IL21R: variants seen among roughly 807,000 people sequenced by gnomAD.
IL21R encodes interleukin-21 receptor.
Under a neutral mutation model 41.3 loss-of-function variants are expected in IL21R, and 14 were observed. The ratio of observed to expected loss-of-function variants is 0.34; its 90% CI spans 0.22 to 0.53. The LOEUF (loss-of-function observed/expected upper bound fraction) is 0.53, where lower values mean the gene tolerates loss of function less well. Among genes scored for constraint, IL21R ranks in the 20% least tolerant of loss-of-function variants. IL21R has a pLI of 0.94. For synonymous variants in IL21R, 286 were observed against 287.6 expected (o/e 0.99, Z 0.05); for missense variants, 588 against 681.6 (o/e 0.86, Z 1.53).
chr16:27,436,450 G>A (rs1371372038), intron 3 of IL21R, among the ~76,000 whole-genome samples: 1 of 152,186 alleles, frequency 6.6e-6, no homozygotes, highest in Non-Finnish European at 1.5e-5. Flanking sequence ...GGGGAATAAG[G>A]AGCAAGTTCA....
intron 1 of IL21R, among the ~76,000 whole-genome samples, chr16:27,405,426 T>C (rs1377426377): frequency 6.6e-6 from 1 of 152,232 alleles, no homozygotes; most frequent in Non-Finnish European, 1.5e-5. Flanking sequence ...TTGGCATATA[T>C]GAGACCTCAG....
At chr16:27,437,126 G>A (rs1327015745) in intron 3 of IL21R, among the ~76,000 whole-genome samples, 2 of 152,126 alleles carry the variant, frequency 1.3e-5, no homozygotes, top group Non-Finnish European at 2.9e-5. Flanking sequence ...AATGCCTAGC[G>A]CCCTTCCTGC....
At chr16:27,419,467 A>G (rs1291086604) in intron 1 of IL21R, among the ~76,000 whole-genome samples, 1 of 152,170 alleles carries the variant, frequency 6.6e-6, no homozygotes, top group Non-Finnish European at 1.5e-5. Flanking sequence ...TTGCTCTGTC[A>G]CCCAGGCTGG....
intron 8 of IL21R, chr16:27,448,174 G>T (rs2087517489): frequency 4.7e-6 from 1 of 214,768 alleles, no homozygotes; most frequent in African/African-American, 2.3e-5. Context: ...CCTCACCTTG[G>T]CTGGGCACAG....
intron 4 of IL21R, among the ~76,000 whole-genome samples, chr16:27,440,248 T>TATATATATATATATATATAGAGAGAG (rs1352160946): frequency 1.6e-5 from 1 of 64,028 alleles, no homozygotes; most frequent in African/African-American, 8.8e-5. Flanking sequence ...TATATATATA[T>TATATATATATATATATATAGAGAGAG]AGAGAGAGAG....
Position 27,450,124 on chromosome 16 carries a change from C to G in IL21R, c.*841C>G. 4.3e-6 allele frequency: 1 copy of G among 232,776 alleles called. No individual in the cohort carries two copies. 14.4% of individuals were successfully genotyped at this position (232,776 alleles called of 1,614,324 possible). ...CGGGGGTGAGAACATCAATCGTCAG[C>G]GACAGCCTGGGCACCCGCGGGGCCG... On this transcript the variant is annotated 3_prime_UTR_variant, in exon 9 of 9. Transcript: ENST00000337929.
chr16:27,421,092 C>T (rs2086992441), intron 1 of IL21R, among the ~76,000 whole-genome samples: 1 of 152,004 alleles, frequency 6.6e-6, no homozygotes, highest in African/African-American at 2.4e-5. Flanking sequence ...ATTGTTTTGG[C>T]ACCCTCATCA....
At chr16:27,444,952 G>T (rs2141310574) in intron 6 of IL21R, among the ~76,000 whole-genome samples, 1 of 152,316 alleles carries the variant, frequency 6.6e-6, no homozygotes, top group Admixed American at 6.5e-5. Context: ...AATCAGCCCT[G>T]TTTTTCAGAC....
chr16:27,441,134 A>G (rs541831255), intron 4 of IL21R, among the ~76,000 whole-genome samples: 2 of 152,010 alleles, frequency 1.3e-5, no homozygotes, highest in African/African-American at 2.4e-5. Flanking sequence ...GAAGGAGAAC[A>G]AAAAAAGAAA....
chr16:27,443,719 GTTGCAGTGAGCTGGGA>G (rs1165169727), intron 5 of IL21R, among the ~76,000 whole-genome samples: 6 of 141,314 alleles, frequency 4.2e-5, no homozygotes, highest in Non-Finnish European at 9.2e-5. Context: ...GGAGGCGGAG[GTTGCAGTGAGCTGGGA>G]TCGCGCTACT....
intron 1 of IL21R, among the ~76,000 whole-genome samples, chr16:27,425,201 A>C (rs932186321): frequency 6.6e-6 from 1 of 152,192 alleles, no homozygotes; most frequent in Non-Finnish European, 1.5e-5. Flanking sequence ...TCCTTGTAGG[A>C]AACACACATG....
At position 27,442,840 on chromosome 16, in the gene IL21R, T is replaced by C. The variant is rs538094296; in HGVS notation, c.353-122T>C. On this transcript the variant is annotated intron_variant, in intron 4 of 8. Coordinates refer to ENST00000337929, the MANE Select transcript of IL21R (RefSeq NM_181078.3). ...CTCAGGGTTGTTGGTCTTCATCTCA[T>C]CCATGATGGGTCAGGCATGGAGGCA... 9.3e-6 allele frequency: 8 copies of C among 863,332 alleles called. No homozygotes were observed. In the African/African-American group the frequency reaches 1.2e-4, roughly 13 times the overall value. The allele number at this position is 863,332 out of a possible 1,614,324, so 53.5% of individuals were successfully genotyped here.
chr16:27,437,817 T>G, intron 4 of IL21R, 130 bp downstream of exon 4: 1 of 685,670 alleles, frequency 1.5e-6, no homozygotes, highest in Non-Finnish European at 2.5e-6. Context: ...TGTACACCAC[T>G]ACACCCAGCT....
intron 2 of IL21R, among the ~76,000 whole-genome samples, chr16:27,431,921 C>T (rs1162080492): frequency 2.0e-5 from 3 of 152,158 alleles, no homozygotes; most frequent in Non-Finnish European, 4.4e-5. Context: ...CTGGGATTAC[C>T]GCACCCAGCC....
rs1311284037 is a variant in IL21R, at chr16:27,450,677, C to T, written c.*1394C>T. The T allele has an allele frequency of 9.0e-6, 2 of 222,024 alleles. No individual in the cohort carries two copies. The highest frequency in any genetic ancestry group is 1.8e-5 in the Non-Finnish European group (2 of 111,136). 13.8% of individuals were successfully genotyped at this position (222,024 alleles called of 1,614,324 possible). On this transcript the variant is annotated 3_prime_UTR_variant, in exon 9 of 9. Transcript: ENST00000337929. ...TCGGCTCTCTGCAACCTCTGTCTCCCGGGTTCAAGCGATTTCCTGCGTCAG... is the reference window on the plus strand; with the variant it reads ...TCGGCTCTCTGCAACCTCTGTCTCCTGGGTTCAAGCGATTTCCTGCGTCAG...
rs2087457453 is a variant in IL21R at position 27,445,268 on chromosome 16, A to G, written c.777A>G (p.Pro259=). ...CCTTCTGGAGCCTGAAGACCCATCCATTGTGGAGGTGAGGCCAGGGGATGA... is the reference window on the plus strand; with the variant it reads ...CCTTCTGGAGCCTGAAGACCCATCCGTTGTGGAGGTGAGGCCAGGGGATGA... The part of the protein sequence containing the change: ...IPAFWSLKTH[P]LWRLWKKIWA... The change falls in exon 7 of 9, where the codon CCA becomes CCG. Residue 259 remains proline, a synonymous_variant. Transcript: ENST00000337929. 1.2e-6 allele frequency: 2 copies of G among 1,610,092 alleles called. No individual in the cohort carries two copies. The highest frequency in any genetic ancestry group is 1.7e-6 in the Non-Finnish European group (2 of 1,176,662).
intron 2 of IL21R, among the ~76,000 whole-genome samples, chr16:27,430,819 A>G (rs182250340): frequency 3.9e-4 from 60 of 152,326 alleles, no homozygotes; most frequent in African/African-American, 1.3e-3. Flanking sequence ...TCTCAAAACA[A>G]CAGCAACAAC....
At position 27,434,734 on chromosome 16, in the gene IL21R, G is replaced by A. The variant is rs3093398; in HGVS notation, c.152+285G>A. Among the ~76,000 whole-genome samples, 20 of 152,176 alleles carry A rather than the reference G, an allele frequency of 1.3e-4. No homozygotes were observed. In the South Asian group the frequency reaches 3.7e-3, roughly 28 times the overall value. On this transcript the variant is annotated intron_variant, in intron 3 of 8. Transcript: ENST00000337929. ...TTAGGTACCAGGCCCCCAACTACAC[G>A]CTTCCCATGAATGGTCACCCCCAAC...
intron 1 of IL21R, 66 bp downstream of exon 1, chr16:27,402,684 T>G (rs2086678016): frequency 5.9e-6 from 1 of 169,864 alleles, no homozygotes; most frequent in African/African-American, 2.4e-5. Context: ...GACTGTTCCC[T>G]GCCTGCTGCA....
Sources: gnomAD v4.1 joint callset for allele counts (sites outside exome capture counted in the v4.1 genomes callset) on GRCh38, gnomAD v4.1.1 for gene constraint, MANE v1.5 for transcripts, NCBI Gene and HGNC (gene_info 2026-07-23, HGNC 2026-07-21) for gene names.